Variants in GFRAL observed in about 807,000 individuals in gnomAD.
GFRAL encodes GDNF family receptor alpha like, also known as GDNF family receptor alpha-like.
In GFRAL, 36 loss-of-function variants were observed where a neutral mutation model predicts 45.4. The ratio of observed to expected loss-of-function variants is 0.79; its 90% CI spans 0.61 to 1.05. The LOEUF is 1.05. Among genes scored for constraint, GFRAL ranks in the 50% least tolerant of loss-of-function variants. The pLI is 0.00. For missense variants in GFRAL, 507 were observed against 467.5 expected, an observed-to-expected ratio of 1.08 and a Z score of -0.78; for synonymous variants, 166 against 154.1, an observed-to-expected ratio of 1.08 and a Z score of -0.57.
At position 55,342,598 on chromosome 6, in the gene GFRAL, T is replaced by C. The variant is rs1272332399; in HGVS notation, c.317-7494T>C. Among the ~76,000 whole-genome samples, 580 of 149,890 alleles carry C rather than the reference T, an allele frequency of 3.9e-3. 4 individuals are homozygous for C. The highest frequency in any genetic ancestry group is 6.8e-3 in the Middle Eastern group (2 of 292). ...TGCCAAATTGTAAAGACCATCGATG[T>C]TAGGAAGAAACTGCATCAACCAACG... On this transcript the variant is annotated intron_variant, in intron 3 of 8. Transcript: ENST00000340465.
intron 1 of GFRAL, among the ~76,000 whole-genome samples, chr6:55,328,570 T>G (rs1021492580): frequency 3.9e-5 from 6 of 151,932 alleles, no homozygotes; most frequent in African/African-American, 1.4e-4. Context: ...TTTGTAATTA[T>G]TCCTAAAATA....
At chr6:55,357,030 T>C (rs1156656358) in intron 5 of GFRAL, among the ~76,000 whole-genome samples, 2 of 151,952 alleles carry the variant, frequency 1.3e-5, no homozygotes, top group African/African-American at 4.8e-5. Context: ...TGATTTCTAG[T>C]TTTATTCCAT....
chr6:55,379,558 AGAT>A (rs1768578455), intron 6 of GFRAL, among the ~76,000 whole-genome samples: 1 of 116,130 alleles, frequency 8.6e-6, no homozygotes, highest in Admixed American at 1.1e-4. Context: ...ACCATATGCA[AGAT>A]GATGTTTTGA....
chr6:55,395,198 C>A (rs1768808803), intron 6 of GFRAL, among the ~76,000 whole-genome samples: 1 of 124,842 alleles, frequency 8.0e-6, no homozygotes, highest in African/African-American at 3.7e-5. Context: ...ATATATAAGC[C>A]AGCTAGGTAA....
At chr6:55,385,331 T>A (rs1768665608) in intron 6 of GFRAL, among the ~76,000 whole-genome samples, 1 of 152,030 alleles carries the variant, frequency 6.6e-6, no homozygotes, top group Non-Finnish European at 1.5e-5. Context: ...TTAATAAACA[T>A]CTAAAGATAC....
chr6:55,383,200 A>T (rs1048884413), intron 6 of GFRAL, among the ~76,000 whole-genome samples: 13 of 151,982 alleles, frequency 8.6e-5, no homozygotes, highest in Admixed American at 7.2e-4. Flanking sequence ...TTCTACAAGC[A>T]ACTAGGTGAG....
intron 6 of GFRAL, among the ~76,000 whole-genome samples, chr6:55,366,961 T>C (rs1435477825): frequency 3.4e-5 from 2 of 58,128 alleles, no homozygotes; most frequent in Admixed American, 1.9e-4. Flanking sequence ...TTAGGTCCGC[T>C]TGGTGCAGAG....
intron 6 of GFRAL, among the ~76,000 whole-genome samples, chr6:55,371,475 G>C (rs1768449567): frequency 1.3e-5 from 2 of 151,748 alleles, no homozygotes; most frequent in Admixed American, 1.3e-4. Flanking sequence ...AGGACCTACA[G>C]AAAAAAAGTG....
intron 4 of GFRAL, 136 bp downstream of exon 4, chr6:55,350,281 G>A (rs1032767): frequency 0.98 from 570,764 of 580,706 alleles, 281,109 homozygotes; most frequent in East Asian, 1. Flanking sequence ...ATAAAATGCA[G>A]CAAAATCATT....
At chr6:55,336,500 G>A (rs1040815203) in intron 3 of GFRAL, among the ~76,000 whole-genome samples, 1 of 152,084 alleles carries the variant, frequency 6.6e-6, no homozygotes, top group Non-Finnish European at 1.5e-5. Context: ...TTTTGGTGCT[G>A]TTACAAATGG....
chr6:55,353,421 A>G (rs911017594), intron 5 of GFRAL, among the ~76,000 whole-genome samples: 2 of 152,070 alleles, frequency 1.3e-5, no homozygotes, highest in African/African-American at 4.8e-5. Context: ...CACACATTCT[A>G]TGAAATAAGT....
intron 3 of GFRAL, among the ~76,000 whole-genome samples, chr6:55,348,651 G>A (rs561878354): frequency 6.6e-5 from 10 of 152,168 alleles, no homozygotes; most frequent in African/African-American, 2.4e-4. Flanking sequence ...GAGAGAGACA[G>A]CTAGCTCCCT....
intron 6 of GFRAL, among the ~76,000 whole-genome samples, chr6:55,396,065 G>A (rs9349777): frequency 0.25 from 38,288 of 152,028 alleles, 5,367 homozygotes; most frequent in Middle Eastern, 0.33. Context: ...GTTATAAAAC[G>A]CTGTAAACCT....
chr6:55,334,046 G>T, intron 3 of GFRAL, 102 bp downstream of exon 3: 2 of 767,644 alleles, frequency 2.6e-6, no homozygotes, highest in Non-Finnish European at 3.9e-6. Context: ...TTTGTAATTT[G>T]ATTAATTCTT....
intron 6 of GFRAL, among the ~76,000 whole-genome samples, chr6:55,376,857 T>G (rs1339070567): frequency 6.6e-6 from 1 of 152,094 alleles, no homozygotes; most frequent in Non-Finnish European, 1.5e-5. Context: ...ATCTTGGTTA[T>G]TTCTTGTCTT....
At chr6:55,334,959 T>C (rs1392821450) in intron 3 of GFRAL, among the ~76,000 whole-genome samples, 1 of 152,162 alleles carries the variant, frequency 6.6e-6, no homozygotes, top group Non-Finnish European at 1.5e-5. Context: ...ATTTCCAGGT[T>C]TTCAGGGATT....
At chr6:55,388,329 C>T (rs574738757) in intron 6 of GFRAL, among the ~76,000 whole-genome samples, 72 of 152,288 alleles carry the variant, frequency 4.7e-4, no homozygotes, top group Non-Finnish European at 9.7e-4. Flanking sequence ...AGAAAAGCCA[C>T]ATAACTCTGT....
chr6:55,367,427 T>C (rs1370019047), intron 6 of GFRAL, among the ~76,000 whole-genome samples: 4 of 145,072 alleles, frequency 2.8e-5, no homozygotes. Flanking sequence ...AATTGGAGCA[T>C]TTAGTCCATT....
At position 55,402,039 on chromosome 6, in the gene GFRAL, C is replaced by T. The variant is rs1043124647; in HGVS notation, c.*186C>T. ...TTGCCCAGGCTGCAGTACAATGGCT[C>T]AATCTCGGTTCACTGCAACCTCTGC... is the stretch of plus-strand genomic sequence containing the variant. On this transcript the variant is annotated 3_prime_UTR_variant, in exon 9 of 9. Transcript: ENST00000340465. 29 of 467,610 alleles carry T rather than the reference C, an allele frequency of 6.2e-5. No individual in the cohort carries two copies. Among genetic ancestry groups the T allele is most frequent in the African/African-American group, 5.7e-4 (28 of 48,842 alleles). The allele number at this position is 467,610 out of a possible 1,614,324, so 29.0% of individuals were successfully genotyped here. A position where few individuals can be genotyped will look rare whatever the true frequency, so the allele number is the denominator to read the frequency against.
Sources: allele counts gnomAD v4.1 joint callset (sites outside exome capture counted in the v4.1 genomes callset), GRCh38; gene constraint gnomAD v4.1.1; transcripts MANE v1.5; gene names NCBI Gene and HGNC (gene_info 2026-07-23, HGNC 2026-07-21).